KIAA1671: variants seen among roughly 807,000 people sequenced by gnomAD.
KIAA1671 encodes uncharacterized protein KIAA1671.
A neutral mutation model predicts 131.2 loss-of-function variants in KIAA1671; 52 were observed. That is an observed-to-expected ratio of 0.40 (90% confidence interval 0.32 to 0.50). The LOEUF (loss-of-function observed/expected upper bound fraction) is 0.50, where lower values mean the gene tolerates loss of function less well. KIAA1671 is among the 20% of genes least tolerant of loss of function. KIAA1671 has a pLI of 0.73. For synonymous variants in KIAA1671, 1,003 were observed against 961.6 expected (o/e 1.04, Z -0.80); for missense variants, 2,360 against 2,364.2 (o/e 1.00, Z 0.04).
At chr22:25,051,115 C>G (rs908041397) in intron 6 of KIAA1671, 1 of 152,420 alleles carries the variant, frequency 6.6e-6, no homozygotes, top group African/African-American at 2.4e-5. Flanking sequence ...CTCTTGCCTG[C>G]TTGATTTCCT....
intron 1 of KIAA1671, among the ~76,000 whole-genome samples, chr22:25,003,705 C>T (rs1169303353): frequency 6.6e-6 from 1 of 152,060 alleles, no homozygotes; most frequent in Admixed American, 6.6e-5. Flanking sequence ...AACCACTGCG[C>T]CCGGCCCACT....
At chr22:25,148,545 C>T (rs1051562295) in intron 6 of KIAA1671, among the ~76,000 whole-genome samples, 1 of 152,226 alleles carries the variant, frequency 6.6e-6, no homozygotes, top group Non-Finnish European at 1.5e-5. Context: ...TATCAGGGAA[C>T]AGCACTCTGT....
intron 11 of KIAA1671, among the ~76,000 whole-genome samples, chr22:25,186,688 A>G (rs747471453): frequency 2.0e-5 from 3 of 152,360 alleles, no homozygotes; most frequent in Non-Finnish European, 2.9e-5. Context: ...GGGCAGTGAG[A>G]GGGGATCCCA....
At chr22:24,956,691 C>T (rs1454819054) in intron 1 of KIAA1671, among the ~76,000 whole-genome samples, 1 of 152,056 alleles carries the variant, frequency 6.6e-6, no homozygotes, top group Admixed American at 6.6e-5. Context: ...ACGGTGAAAC[C>T]CCGTGTCTAC....
chr22:25,076,966 G>A (rs77625008), intron 6 of KIAA1671, among the ~76,000 whole-genome samples: 135 of 152,256 alleles, frequency 8.9e-4, no homozygotes, highest in African/African-American at 3.1e-3. Flanking sequence ...CAAGGTCCCC[G>A]GCTAGGAAGT....
intron 2 of KIAA1671, among the ~76,000 whole-genome samples, chr22:25,027,280 G>C (rs1463772781): frequency 6.6e-6 from 1 of 152,206 alleles, no homozygotes; most frequent in Non-Finnish European, 1.5e-5. Context: ...ATTGGGTGGG[G>C]TTGGTGCCTA....
intron 6 of KIAA1671, among the ~76,000 whole-genome samples, chr22:25,163,161 C>T (rs138334458): frequency 1.3e-5 from 2 of 151,674 alleles, no homozygotes; most frequent in African/African-American, 4.8e-5. Flanking sequence ...AACCTTGTCT[C>T]TACAAAAAAT....
In KIAA1671 at chr22:25,040,192, T is replaced by C; in HGVS notation, c.3062T>C (p.Val1021Ala). ...CCAGCAGTGAAGCAAGGGTCACCTGTGGAACCCAAGGCGACATTTTTTGCA... is the reference window on the plus strand; with the variant it reads ...CCAGCAGTGAAGCAAGGGTCACCTGCGGAACCCAAGGCGACATTTTTTGCA... ...TSPAVKQGSP[V>A]EPKATFFAVT... The change falls in exon 5 of 13, where the codon GTG becomes GCG. Residue 1021 changes from valine (V) to alanine (A), a missense_variant. Val to Ala is a moderately conservative substitution (Grantham distance 64). Coordinates refer to ENST00000358431, the MANE Select transcript of KIAA1671 (RefSeq NM_001145206.2). The C allele has an allele frequency of 6.4e-7, 1 of 1,551,756 alleles. No individual in the cohort carries two copies. The highest frequency in any genetic ancestry group is 1.2e-5 in the South Asian group (1 of 84,064).
At chr22:25,012,274 CTTCTT>C in intron 1 of KIAA1671, 1 of 150,446 alleles carries the variant, frequency 6.6e-6, no homozygotes, top group Non-Finnish European at 1.5e-5. Flanking sequence ...TTCTTTTCTT[CTTCTT>C]TTTTTTTTTT....
At chr22:25,047,467 CTT>C (rs1198576836) in intron 5 of KIAA1671, among the ~76,000 whole-genome samples, 9 of 120,426 alleles carry the variant, frequency 7.5e-5, no homozygotes, top group South Asian at 2.7e-4. Flanking sequence ...GCCTCTTTTC[CTT>C]TTTTTTTTTT....
At chr22:25,123,881 C>G (rs1006788609) in intron 6 of KIAA1671, among the ~76,000 whole-genome samples, 2 of 152,194 alleles carry the variant, frequency 1.3e-5, no homozygotes, top group Admixed American at 1.3e-4. Context: ...CCAGAGATAA[C>G]TAGTACACAT....
intron 1 of KIAA1671, among the ~76,000 whole-genome samples, chr22:24,965,564 C>A (rs1362056694): frequency 6.6e-6 from 1 of 151,168 alleles, no homozygotes; most frequent in Non-Finnish European, 1.5e-5. Flanking sequence ...CATGGTGAAA[C>A]CCTGTCTTTG....
intron 6 of KIAA1671, among the ~76,000 whole-genome samples, chr22:25,071,001 G>A (rs1015402101): frequency 6.6e-6 from 1 of 152,200 alleles, no homozygotes; most frequent in African/African-American, 2.4e-5. Context: ...TGCTTTGTGA[G>A]GTATAAAATG....
rs1926809913 is a variant in KIAA1671, at chr22:25,039,760, G to C, written c.2630G>C (p.Gly877Ala). ...AGCAAGCCAGGAGTGGGAGCAAGGG[G>C]CCCACCCCAGGGATGCCCCCTCGAT... ...ARSKPGVGAR[G>A]PPQGCPLDPL... is the part of the protein sequence containing the mutation. The change falls in exon 5 of 13, where the codon GGC becomes GCC. Residue 877 changes from glycine to alanine, a missense_variant. Gly to Ala is a moderately conservative substitution (Grantham distance 60). Coordinates refer to ENST00000358431, the MANE Select transcript of KIAA1671 (RefSeq NM_001145206.2). The C allele has an allele frequency of 5.3e-6, 8 of 1,496,470 alleles. No homozygotes were observed. The highest frequency in any genetic ancestry group is 6.3e-6 in the Non-Finnish European group (7 of 1,118,000). 92.7% of individuals were successfully genotyped at this position (1,496,470 alleles called of 1,614,324 possible).
At chr22:24,964,328 C>T (rs540175597) in intron 1 of KIAA1671, among the ~76,000 whole-genome samples, 1 of 151,188 alleles carries the variant, frequency 6.6e-6, no homozygotes, top group East Asian at 1.9e-4. Context: ...GACTCTGTCT[C>T]AACAAAAAAA....
chr22:25,061,418 G>T (rs1364890003), intron 6 of KIAA1671: 2 of 152,164 alleles, frequency 1.3e-5, no homozygotes, highest in African/African-American at 4.8e-5. Flanking sequence ...TTATTCCCAA[G>T]TGCTTCTCTT....
chr22:25,099,782 G>A (rs1930574925), intron 6 of KIAA1671, among the ~76,000 whole-genome samples: 3 of 152,090 alleles, frequency 2.0e-5, no homozygotes, highest in Non-Finnish European at 2.9e-5. Context: ...CGAGGTACTG[G>A]TATTACAGGT....
chr22:25,116,096 G>T (rs1931643449), intron 6 of KIAA1671, among the ~76,000 whole-genome samples: 2 of 151,822 alleles, frequency 1.3e-5, no homozygotes, highest in South Asian at 4.2e-4. Context: ...TACTTATTTT[G>T]AAGACAAGGT....
rs76971961 is a variant in KIAA1671 at position 25,006,602 on chromosome 22, G to A, written c.-207-19031G>A. 3.1e-3 allele frequency among the ~76,000 whole-genome samples: 469 copies of A among 152,236 alleles called. 2 individuals are homozygous for A. The highest frequency in any genetic ancestry group is 0.01 in the African/African-American group (434 of 41,536). On this transcript the variant is annotated intron_variant, in intron 1 of 12. Transcript: ENST00000358431. Reference sequence around the variant, plus strand: ...CCCAGGCAAGTTAAGCTCTGTATGCGTTTCCTATTGTGCTGTAACAGATTC... The same window carrying A: ...CCCAGGCAAGTTAAGCTCTGTATGCATTTCCTATTGTGCTGTAACAGATTC...
Sources: gnomAD v4.1 joint callset for allele counts (sites outside exome capture counted in the v4.1 genomes callset) on GRCh38, gnomAD v4.1.1 for gene constraint, MANE v1.5 for transcripts, NCBI Gene and HGNC (gene_info 2026-07-23, HGNC 2026-07-21) for gene names.